STAU2: variants seen among roughly 807,000 people sequenced by gnomAD.
STAU2 encodes the protein double-stranded RNA-binding protein Staufen homolog 2.
In STAU2, 20 loss-of-function variants were observed where a neutral mutation model predicts 65.9. That is an observed-to-expected ratio of 0.30 (90% confidence interval 0.21 to 0.44). The LOEUF (loss-of-function observed/expected upper bound fraction) is 0.44, where lower values mean the gene tolerates loss of function less well. Among genes scored for constraint, STAU2 ranks in the 20% least tolerant of loss-of-function variants. The pLI is 1.00. For synonymous variants in STAU2, 232 were observed against 233.9 expected (o/e 0.99, Z 0.07); for missense variants, 558 against 683.9 (o/e 0.82, Z 2.05).
At chr8:73,489,913 T>C (rs1821080101) in intron 13 of STAU2, among the ~76,000 whole-genome samples, 1 of 152,006 alleles carries the variant, frequency 6.6e-6, no homozygotes, top group Non-Finnish European at 1.5e-5. Context: ...AAGTAATACT[T>C]TTCATGAGAT....
chr8:73,530,014 G>GCT (rs72080367), intron 13 of STAU2, among the ~76,000 whole-genome samples: 21,230 of 152,040 alleles, frequency 0.14, 2,097 homozygotes, highest in East Asian at 0.45. Flanking sequence ...CGTGCCTTTT[G>GCT]CTTTTTTACC....
At chr8:73,739,684 G>T in intron 2 of STAU2, 72 bp downstream of exon 2, 2 of 1,200,698 alleles carry the variant, frequency 1.7e-6, no homozygotes, top group Non-Finnish European at 2.2e-6. Context: ...CTATGAGAAC[G>T]GGATGCTGTA....
chr8:73,593,481 C>G (rs181499813), intron 11 of STAU2, among the ~76,000 whole-genome samples: 1 of 152,306 alleles, frequency 6.6e-6, no homozygotes. Context: ...TTATTAAAAT[C>G]AGTCATTTTA....
At chr8:73,617,247 T>G in intron 7 of STAU2, 45 bp downstream of exon 7, 1 of 1,592,972 alleles carries the variant, frequency 6.3e-7, no homozygotes, top group African/African-American at 1.4e-5. Flanking sequence ...TTTGTTTCAC[T>G]GGGAAAGTAG....
intron 13 of STAU2, among the ~76,000 whole-genome samples, chr8:73,463,211 T>C (rs1006584725): frequency 6.6e-6 from 1 of 152,236 alleles, no homozygotes; most frequent in African/African-American, 2.4e-5. Context: ...AGTATGCTGG[T>C]CTTTAGGAAT....
intron 13 of STAU2, among the ~76,000 whole-genome samples, chr8:73,516,925 G>T (rs781109026): frequency 6.6e-6 from 1 of 152,060 alleles, no homozygotes; most frequent in East Asian, 1.9e-4. Context: ...TATACATATG[G>T]TTATTTATTG....
chr8:73,523,497 A>G (rs779489172), intron 13 of STAU2, among the ~76,000 whole-genome samples: 1 of 152,146 alleles, frequency 6.6e-6, no homozygotes, highest in Non-Finnish European at 1.5e-5. Context: ...TGAATTTGAC[A>G]AACGCAGTCA....
intron 13 of STAU2, among the ~76,000 whole-genome samples, chr8:73,522,676 G>A (rs2128928999): frequency 6.6e-6 from 1 of 152,286 alleles, no homozygotes; most frequent in East Asian, 1.9e-4. Context: ...TAATTTGAGT[G>A]TGAATTTCTA....
chr8:73,502,208 T>G (rs941806256), intron 13 of STAU2, among the ~76,000 whole-genome samples: 3 of 151,988 alleles, frequency 2.0e-5, no homozygotes, highest in African/African-American at 7.2e-5. Context: ...TTGAACCACT[T>G]ATAATGTTAC....
intron 6 of STAU2, among the ~76,000 whole-genome samples, chr8:73,656,418 C>T (rs750172049): frequency 6.6e-6 from 1 of 152,226 alleles, no homozygotes; most frequent in Admixed American, 6.5e-5. Flanking sequence ...AAGCAAGTAA[C>T]CAGAAACTAC....
In STAU2 at chr8:73,738,379, C is replaced by G. The variant is rs369572466; in HGVS notation, c.-83-30G>C. The stretch of plus-strand genomic sequence containing the variant: ...AAAACGAAAATGAAGAAATAAAGTT[C>G]AACTTAGCTGATAACCTCAATGACT... On this transcript the variant is annotated intron_variant, in intron 2 of 14. Coordinates refer to ENST00000524300, the MANE Select transcript of STAU2 (RefSeq NM_001164380.2). 4.9e-4 allele frequency: 760 copies of G among 1,539,558 alleles called. 2 individuals carry two copies. The highest frequency in any genetic ancestry group is 6.3e-4 in the Non-Finnish European group (713 of 1,136,490).
At chr8:73,518,444 T>G (rs112470088) in intron 13 of STAU2, among the ~76,000 whole-genome samples, 4,080 of 152,316 alleles carry the variant, frequency 0.027, 84 homozygotes, top group Middle Eastern at 0.095. Flanking sequence ...CAATAAGGTC[T>G]CTGTCATAAC....
At chr8:73,605,156 AAT>A (rs1020983966) in intron 9 of STAU2, among the ~76,000 whole-genome samples, 4 of 151,848 alleles carry the variant, frequency 2.6e-5, no homozygotes, top group South Asian at 2.1e-4. Context: ...GCTACAGAAT[AAT>A]ATATATATAG....
In STAU2 at chr8:73,720,499, CTTTTTTTTT is replaced by C. The variant is rs1174035145; in HGVS notation, c.-17-11346_-17-11338del. ...GTTGTCATTTAGTTTAAAATACTTT[CTTTTTTTTT>C]TTTTTTTTTTTTTTTGAGACGGAGT... On this transcript the variant is annotated intron_variant, in intron 3 of 14. Transcript: ENST00000524300. Among the ~76,000 whole-genome samples, 5 of 39,088 alleles carry C rather than the reference CTTTTTTTTT, an allele frequency of 1.3e-4. 1 individual carries two copies. Among genetic ancestry groups the C allele is most frequent in the African/African-American group, 2.7e-4 (2 of 7,510 alleles). 25.6% of individuals were successfully genotyped at this position (39,088 alleles called of 152,430 possible).
At chr8:73,507,436 T>G (rs529001906) in intron 13 of STAU2, among the ~76,000 whole-genome samples, 1 of 150,564 alleles carries the variant, frequency 6.6e-6, no homozygotes, top group South Asian at 2.1e-4. Context: ...AGAAGCCCTT[T>G]TTTCTGGGCA....
chr8:73,522,721 G>A (rs761712397), intron 13 of STAU2, among the ~76,000 whole-genome samples: 5 of 152,142 alleles, frequency 3.3e-5, no homozygotes, highest in Admixed American at 6.5e-5. Flanking sequence ...AGGTAAACAT[G>A]AGAATGTCAA....
intron 3 of STAU2, among the ~76,000 whole-genome samples, chr8:73,729,655 C>G (rs918160507): frequency 5.3e-5 from 8 of 152,100 alleles, no homozygotes; most frequent in Non-Finnish European, 1.5e-5. Context: ...TCATGGATCA[C>G]TGCAGTCTCA....
At position 73,716,111 on chromosome 8, in the gene STAU2, A is replaced by T. The variant is rs1202885094; in HGVS notation, c.-17-6949T>A. Among the ~76,000 whole-genome samples, 73 of 129,016 alleles carry T rather than the reference A, an allele frequency of 5.7e-4. 1 individual carries two copies. Among genetic ancestry groups the T allele is most frequent in the Non-Finnish European group, 1.3e-4 (8 of 61,074 alleles). 84.6% of individuals were successfully genotyped at this position (129,016 alleles called of 152,430 possible). ...TTTTTCTTTTTTTTTTTTTTGAGAC[A>T]AGAGTCTCGCTCTGTCACCCAGGCT... On this transcript the variant is annotated intron_variant, in intron 3 of 14. Coordinates refer to ENST00000524300, the MANE Select transcript of STAU2 (RefSeq NM_001164380.2).
intron 13 of STAU2, among the ~76,000 whole-genome samples, chr8:73,529,816 G>A (rs1805690078): frequency 6.6e-6 from 1 of 152,200 alleles, no homozygotes. Flanking sequence ...AGCACCCAAT[G>A]ATGTGACAGA....
Sources: gnomAD v4.1 joint callset for allele counts (sites outside exome capture counted in the v4.1 genomes callset) on GRCh38, gnomAD v4.1.1 for gene constraint, MANE v1.5 for transcripts, NCBI Gene and HGNC (gene_info 2026-07-23, HGNC 2026-07-21) for gene names.